Variants in SHISA9 observed in about 807,000 individuals in gnomAD.
SHISA9 encodes the protein shisa family member 9.
In SHISA9, 13 loss-of-function variants were observed where a neutral mutation model predicts 38.0. The ratio of observed to expected loss-of-function variants is 0.34; its 90% CI spans 0.22 to 0.54. The LOEUF (loss-of-function observed/expected upper bound fraction) is 0.54, where lower values mean the gene tolerates loss of function less well. SHISA9 is among the 20% of genes least tolerant of loss of function. The pLI is 0.91. For missense variants in SHISA9, 538 were observed against 575.8 expected (o/e 0.93, Z 0.67); for synonymous variants, 275 against 242.0 (o/e 1.14, Z -1.27).
the SHISA9 span, chr16:13,562,629 GAA>G: frequency 0.13 from 11,614 of 89,342 alleles, 522 homozygotes; most frequent in Middle Eastern, 0.26. Flanking sequence ...GACTCTGTCT[GAA>G]AAAAAAAAAA....
the SHISA9 span, among the ~76,000 whole-genome samples, chr16:13,518,699 T>C: frequency 1.3e-5 from 2 of 152,180 alleles, no homozygotes; most frequent in African/African-American, 4.8e-5. Context: ...TATTTCCTCT[T>C]CCTCTAAAGA....
chr16:12,977,481 A>T (rs905107973), intron 2 of SHISA9, among the ~76,000 whole-genome samples: 35 of 152,202 alleles, frequency 2.3e-4, no homozygotes, highest in Non-Finnish European at 8.8e-5. Context: ...TACCCAAAGG[A>T]ATAGAAATCA....
the SHISA9 span, among the ~76,000 whole-genome samples, chr16:13,265,544 C>A: frequency 1.6e-4 from 21 of 130,984 alleles, no homozygotes; most frequent in Non-Finnish European, 3.3e-4. Context: ...CTTCCCTTCC[C>A]CGCCCTTCCC....
chr16:13,116,298 G>A (rs2074030220), intron 2 of SHISA9, among the ~76,000 whole-genome samples: 1 of 152,178 alleles, frequency 6.6e-6, no homozygotes, highest in Non-Finnish European at 1.5e-5. Flanking sequence ...GAAGATGTCA[G>A]TGCCCCAGGT....
the SHISA9 span, among the ~76,000 whole-genome samples, chr16:13,396,185 G>A: frequency 6.6e-6 from 1 of 152,146 alleles, no homozygotes; most frequent in South Asian, 2.1e-4. Flanking sequence ...CTTCCAAATG[G>A]ATGAGTCTCC....
the SHISA9 span, among the ~76,000 whole-genome samples, chr16:13,503,721 C>A: frequency 1.3e-5 from 2 of 151,914 alleles, no homozygotes; most frequent in African/African-American, 4.8e-5. Flanking sequence ...ATTTAACCCA[C>A]CACAGATTCA....
the SHISA9 span, among the ~76,000 whole-genome samples, chr16:13,260,953 C>T: frequency 1.3e-5 from 2 of 152,124 alleles, no homozygotes; most frequent in African/African-American, 4.8e-5. Context: ...TACATGGTGG[C>T]AGCAAGAGAA....
rs1410436220 is a variant in SHISA9, at chr16:13,027,939, A to C, written c.691+111124A>C. ...TGAAGCTCTGTCTCAAAAACAAAAAAAAAAAAAAAAAAAAAGAATGTATAC... is the reference window on the plus strand; with the variant it reads ...TGAAGCTCTGTCTCAAAAACAAAAACAAAAAAAAAAAAAAAGAATGTATAC... On this transcript the variant is annotated intron_variant, in intron 2 of 4. Transcript: ENST00000558583. Among the ~76,000 whole-genome samples, 6 of 150,938 alleles carry C rather than the reference A, an allele frequency of 4.0e-5. 1 individual carries two copies. The highest frequency in any genetic ancestry group is 2.1e-4 in the South Asian group (1 of 4,800).
the SHISA9 span, among the ~76,000 whole-genome samples, chr16:13,281,322 T>G: frequency 2.0e-5 from 3 of 151,868 alleles, no homozygotes; most frequent in African/African-American, 4.8e-5. Context: ...TTCTTATTAA[T>G]ATGTTTTTCT....
chr16:13,124,705 T>G (rs901690854), intron 2 of SHISA9, among the ~76,000 whole-genome samples: 4 of 152,172 alleles, frequency 2.6e-5, no homozygotes, highest in African/African-American at 7.2e-5. Context: ...TCACATTATC[T>G]GACTTCAAAT....
the SHISA9 span, among the ~76,000 whole-genome samples, chr16:13,444,552 A>G: frequency 6.6e-6 from 1 of 152,020 alleles, no homozygotes; most frequent in African/African-American, 2.4e-5. Flanking sequence ...TGTGTCCTTT[A>G]TGTTCTCCAA....
At chr16:13,123,635 C>T (rs576601711) in intron 2 of SHISA9, among the ~76,000 whole-genome samples, 75 of 152,304 alleles carry the variant, frequency 4.9e-4, no homozygotes, top group African/African-American at 1.8e-3. Flanking sequence ...CTGAGAATCC[C>T]ATGAGGATAG....
At chr16:13,344,899 A>T in the SHISA9 span, among the ~76,000 whole-genome samples, 1 of 152,180 alleles carries the variant, frequency 6.6e-6, no homozygotes, top group South Asian at 2.1e-4. Flanking sequence ...TTCTCTTAGC[A>T]GGAAAGAGCT....
intron 4 of SHISA9, among the ~76,000 whole-genome samples, chr16:13,234,710 G>T (rs974043940): frequency 1.3e-5 from 2 of 152,100 alleles, no homozygotes; most frequent in African/African-American, 4.8e-5. Flanking sequence ...GAAACAACAC[G>T]CGAATTTCAT....
the SHISA9 span, among the ~76,000 whole-genome samples, chr16:13,402,329 G>A: frequency 1.3e-5 from 2 of 152,042 alleles, no homozygotes; most frequent in Non-Finnish European, 2.9e-5. Context: ...CTGAGAACTG[G>A]GGAGGCCACT....
At chr16:13,395,068 G>C in the SHISA9 span, among the ~76,000 whole-genome samples, 1 of 152,062 alleles carries the variant, frequency 6.6e-6, no homozygotes, top group African/African-American at 2.4e-5. Context: ...GGAAGAATGT[G>C]GCTTTGCAGT....
intron 2 of SHISA9, among the ~76,000 whole-genome samples, chr16:12,970,370 C>CATATATGTAT (rs1378598570): frequency 5.6e-4 from 31 of 55,704 alleles, no homozygotes; most frequent in Middle Eastern, 0.014. Context: ...TATATATATA[C>CATATATGTAT]ATATATATAT....
In SHISA9 at chr16:13,235,526, C is replaced by A. The variant is rs999963878; in HGVS notation, c.*117C>A. Reference sequence around the variant, plus strand: ...CATGCGTCCACACACTCACTCTCAACAAGAACCAACTCTAAACCTACTGGG... The same window carrying A: ...CATGCGTCCACACACTCACTCTCAAAAAGAACCAACTCTAAACCTACTGGG... On this transcript the variant is annotated 3_prime_UTR_variant, in exon 5 of 5. Transcript: ENST00000558583. 2 of 1,256,050 alleles carry A rather than the reference C, an allele frequency of 1.6e-6. No individual in the cohort carries two copies. The highest frequency in any genetic ancestry group is 2.1e-6 in the Non-Finnish European group (2 of 934,170). 77.8% of individuals were successfully genotyped at this position (1,256,050 alleles called of 1,614,324 possible).
chr16:13,517,673 G>A, the SHISA9 span, among the ~76,000 whole-genome samples: 1 of 152,164 alleles, frequency 6.6e-6, no homozygotes, highest in Non-Finnish European at 1.5e-5. Flanking sequence ...ATCTGGAGGT[G>A]GAAGTACATG....
Sources: allele counts gnomAD v4.1 joint callset (sites outside exome capture counted in the v4.1 genomes callset), GRCh38; gene constraint gnomAD v4.1.1; transcripts MANE v1.5; gene names NCBI Gene and HGNC (gene_info 2026-07-23, HGNC 2026-07-21).